Variants in PIGL observed in about 807,000 individuals in gnomAD.
PIGL encodes the protein phosphatidylinositol glycan anchor biosynthesis class L.
A neutral mutation model predicts 31.1 loss-of-function variants in PIGL; 22 were observed. The ratio of observed to expected loss-of-function variants is 0.71; its 90% CI spans 0.51 to 1.01. PIGL has a LOEUF of 1.01. Among genes scored for constraint, PIGL ranks in the 50% least tolerant of loss-of-function variants. PIGL has a pLI of 0.00. For synonymous variants in PIGL, 131 were observed against 117.4 expected (o/e 1.12, Z -0.75); for missense variants, 302 against 315.9 (o/e 0.96, Z 0.33).
intron 6 of PIGL, among the ~76,000 whole-genome samples, chr17:16,323,023 T>A (rs1199698764): frequency 6.6e-6 from 1 of 152,194 alleles, no homozygotes; most frequent in Non-Finnish European, 1.5e-5. Context: ...ATCAACAACA[T>A]GTATTTCATA....
At chr17:16,281,987 G>A (rs544988853) in intron 2 of PIGL, 7 of 494,652 alleles carry the variant, frequency 1.4e-5, no homozygotes, top group East Asian at 5.7e-5. Flanking sequence ...GAAGGGGGGC[G>A]ACAGCTGTCC....
At chr17:16,248,686 T>C (rs1214373322) in intron 2 of PIGL, among the ~76,000 whole-genome samples, 2 of 152,248 alleles carry the variant, frequency 1.3e-5, no homozygotes, top group East Asian at 3.8e-4. Flanking sequence ...AGGATTTTTC[T>C]AGCATTCACC....
rs145921385 is a variant in PIGL at position 16,221,318 on chromosome 17, A to G, written c.235+3857A>G. Among the ~76,000 whole-genome samples the G allele has an allele frequency of 4.6e-3, 703 of 152,284 alleles. 5 individuals are homozygous for G. Among genetic ancestry groups the G allele is most frequent in the African/African-American group, 0.016 (663 of 41,544 alleles). ...GCTTAATTTGACTCCTATAGTTGCA[A>G]TATAAAATATAAATAAAACTAAAAG... On this transcript the variant is annotated intron_variant, in intron 1 of 6. Transcript: ENST00000225609.
At position 16,246,672 on chromosome 17, in the gene PIGL, C is replaced by CTTTTTTTTTTTTTTTTTTTTTTTTT. The variant is rs1197171634; in HGVS notation, c.335+12626_335+12627insTTTTTTTTTTTTTTTTTTTTTTTTT. On this transcript the variant is annotated intron_variant, in intron 2 of 6. Coordinates refer to ENST00000225609, the MANE Select transcript of PIGL (RefSeq NM_004278.4). ...GCAGGCTAGAAGTCCAGATCAAGGT[C>CTTTTTTTTTTTTTTTTTTTTTTTTT]TTTTTTTTTTTTTTTTTTTTTTTTG... Among the ~76,000 whole-genome samples the CTTTTTTTTTTTTTTTTTTTTTTTTT allele has an allele frequency of 1.9e-4, 12 of 64,176 alleles. 2 individuals are homozygous for CTTTTTTTTTTTTTTTTTTTTTTTTT. The highest frequency in any genetic ancestry group is 3.5e-4 in the East Asian group (1 of 2,856). The allele number at this position is 64,176 out of a possible 152,430, so 42.1% of individuals were successfully genotyped here. A position where few individuals can be genotyped will look rare whatever the true frequency, so the allele number is the denominator to read the frequency against.
intron 2 of PIGL, among the ~76,000 whole-genome samples, chr17:16,277,115 A>G (rs1192588925): frequency 5.9e-5 from 9 of 152,148 alleles, no homozygotes; most frequent in Admixed American, 5.9e-4. Context: ...TTTACTTACC[A>G]CAGGTCAAGA....
intron 5 of PIGL, chr17:16,317,190 C>T (rs2093081552): frequency 2.0e-6 from 2 of 1,005,930 alleles, no homozygotes; most frequent in South Asian, 4.3e-5. Context: ...CATACCTCAC[C>T]GGCGCAATAC....
At chr17:16,299,367 C>T (rs1170425403) in intron 2 of PIGL, among the ~76,000 whole-genome samples, 1 of 151,848 alleles carries the variant, frequency 6.6e-6, no homozygotes, top group East Asian at 1.9e-4. Context: ...AGGCAGGAAC[C>T]CCGGAGGCAA....
rs149094276 is a variant in PIGL at position 16,299,906 on chromosome 17, A to C, written c.354A>C (p.Pro118=). Residue 118 remains proline (P), a synonymous_variant, in exon 3 of 7, where the codon CCA becomes CCC. Transcript: ENST00000225609. ...IIDNRDFPDD[P]GMQWDTEHVA... is the part of the protein sequence containing the mutation. ...CTTGTAGGGATTTCCCAGATGACCC[A>C]GGCATGCAGTGGGACACAGAGCACG... 2 of 1,613,610 alleles carry C rather than the reference A, an allele frequency of 1.2e-6. No individual in the cohort carries two copies. Among genetic ancestry groups the C allele is most frequent in the Non-Finnish European group, 1.7e-6 (2 of 1,179,592 alleles).
chr17:16,279,870 G>C (rs1319246960), intron 2 of PIGL: 1 of 152,212 alleles, frequency 6.6e-6, no homozygotes, highest in Non-Finnish European at 1.5e-5. Context: ...AGGCAGGGGG[G>C]CCTTGCTGTG....
chr17:16,259,297 A>G (rs1027730553), intron 2 of PIGL, among the ~76,000 whole-genome samples: 2 of 151,594 alleles, frequency 1.3e-5, no homozygotes, highest in African/African-American at 4.9e-5. Flanking sequence ...AAAAAAAAAG[A>G]ATAATACATT....
chr17:16,273,603 A>C (rs2092881288), intron 2 of PIGL, among the ~76,000 whole-genome samples: 1 of 144,156 alleles, frequency 6.9e-6, no homozygotes, highest in Non-Finnish European at 1.5e-5. Flanking sequence ...CAGAAAAAAA[A>C]GCAGTGGCAG....
At position 16,317,714 on chromosome 17, in the gene PIGL, G is replaced by C. The variant is rs2093083939; in HGVS notation, c.527-61G>C. 3 of 1,608,030 alleles carry C rather than the reference G, an allele frequency of 1.9e-6. 1 individual carries two copies. The highest frequency in any genetic ancestry group is 8.5e-7 in the Non-Finnish European group (1 of 1,177,242). On this transcript the variant is annotated intron_variant, in intron 5 of 6. Transcript: ENST00000225609. ...CCACAGGGTAGAGGGAGGATGCTCA[G>C]GGGAAAATCTGGCTGGAGGCCTCAA...
intron 1 of PIGL, among the ~76,000 whole-genome samples, chr17:16,221,755 G>A (rs1234936405): frequency 1.3e-5 from 2 of 152,136 alleles, no homozygotes; most frequent in Non-Finnish European, 2.9e-5. Context: ...AAGTAGCTGG[G>A]ATTACAGGTG....
At chr17:16,266,909 G>GTT (rs1465274961) in intron 2 of PIGL, among the ~76,000 whole-genome samples, 6,590 of 120,316 alleles carry the variant, frequency 0.055, 512 homozygotes, top group African/African-American at 0.22. Context: ...TTTTTTTTGG[G>GTT]GGGGGGGGGG....
At position 16,264,363 on chromosome 17, in the gene PIGL, C is replaced by G. The variant is rs548791614; in HGVS notation, c.335+30293C>G. Among the ~76,000 whole-genome samples, 194 of 151,964 alleles carry G rather than the reference C, an allele frequency of 1.3e-3. 1 individual carries two copies. The highest frequency in any genetic ancestry group is 2.0e-3 in the Non-Finnish European group (138 of 67,984). ...GTTTCACCATGTTGGCCAGGCTGGTCTCGAACTCCTGACCTCAGGTGATCC... is the reference window on the plus strand; with the variant it reads ...GTTTCACCATGTTGGCCAGGCTGGTGTCGAACTCCTGACCTCAGGTGATCC... On this transcript the variant is annotated intron_variant, in intron 2 of 6. Transcript: ENST00000225609.
intron 2 of PIGL, among the ~76,000 whole-genome samples, chr17:16,286,091 A>G (rs1487447765): frequency 1.3e-5 from 2 of 152,240 alleles, no homozygotes; most frequent in Non-Finnish European, 2.9e-5. Flanking sequence ...TGACAAAGGA[A>G]ATGATCGAGT....
At chr17:16,244,607 A>G (rs184053090) in intron 2 of PIGL, among the ~76,000 whole-genome samples, 1 of 152,270 alleles carries the variant, frequency 6.6e-6, no homozygotes, top group Admixed American at 6.5e-5. Flanking sequence ...TACACTCCTC[A>G]ACTTGGGATG....
intron 2 of PIGL, among the ~76,000 whole-genome samples, chr17:16,285,315 G>A (rs1008821166): frequency 2.6e-5 from 4 of 152,206 alleles, no homozygotes; most frequent in Non-Finnish European, 5.9e-5. Flanking sequence ...GGCCGGGCGC[G>A]GTGGCTCAAG....
chr17:16,325,103 TG>T (rs1568851334), intron 6 of PIGL, among the ~76,000 whole-genome samples: 1 of 151,904 alleles, frequency 6.6e-6, no homozygotes, highest in Non-Finnish European at 1.5e-5. Flanking sequence ...CCCAGCACTT[TG>T]GGAGGCCGAG....
Sources: allele counts gnomAD v4.1 joint callset (sites outside exome capture counted in the v4.1 genomes callset), GRCh38; gene constraint gnomAD v4.1.1; transcripts MANE v1.5; gene names NCBI Gene and HGNC (gene_info 2026-07-23, HGNC 2026-07-21).